The following DDX24 variants were observed in gnomAD, a reference collection of about 807,000 sequenced individuals.
DDX24 encodes the protein DEAD-box helicase 24, also known as ATP-dependent RNA helicase DDX24.
Under a neutral mutation model 68.9 loss-of-function variants are expected in DDX24, and 24 were observed. The ratio of observed to expected loss-of-function variants is 0.35; its 90% CI spans 0.25 to 0.49. DDX24 has a LOEUF of 0.49. DDX24 is among the 20% of genes least tolerant of loss of function. DDX24 has a pLI of 0.99. For missense variants in DDX24, 989 were observed against 1,039.0 expected (o/e 0.95, Z 0.66); for synonymous variants, 395 against 385.2 (o/e 1.03, Z -0.30).
In DDX24 at chr14:94,061,000, C is replaced by A. The variant is rs766908609; in HGVS notation, c.1310G>T (p.Arg437Leu). ...TQKQQRMLNR[R>L]PEIVVATPGR... ...TGGAGTAGCAACCACAATCTCAGGA[C>A]GACGGTTCAGCATCCTCTGCTGTTT... is the stretch of plus-strand genomic sequence containing the variant. The change falls in exon 4 of 9, where the codon CGT (arginine) becomes CTT (leucine). Residue 437 changes from arginine to leucine, a missense_variant. Coordinates refer to ENST00000621632, the MANE Select transcript of DDX24 (RefSeq NM_020414.4). 3.1e-6 allele frequency: 5 copies of A among 1,614,162 alleles called. No homozygotes were observed. Among genetic ancestry groups the A allele is most frequent in the Non-Finnish European group, 4.2e-6 (5 of 1,180,032 alleles).
In DDX24 at chr14:94,079,084, G is replaced by A. The variant is rs1214697184; in HGVS notation, c.659C>T (p.Ala220Val). The A allele has an allele frequency of 1.9e-6, 3 of 1,614,214 alleles. No homozygotes were observed. The highest frequency in any genetic ancestry group is 2.5e-6 in the Non-Finnish European group (3 of 1,180,044). The change falls in exon 2 of 9, where the codon GCC becomes GTC. Residue 220 changes from alanine (A) to valine (V), a missense_variant. Coordinates refer to ENST00000621632, the MANE Select transcript of DDX24 (RefSeq NM_020414.4). ...LGFSAPTPIQ[A>V]LTLAPAIRDK... ...ACGGATGGCAGGTGCCAAGGTCAGG[G>A]CTTGGATTGGTGTGGGTGCAGAGAA...
At chr14:94,075,475 A>G (rs1332267543) in intron 2 of DDX24, among the ~76,000 whole-genome samples, 1 of 152,196 alleles carries the variant, frequency 6.6e-6, no homozygotes, top group Non-Finnish European at 1.5e-5. Flanking sequence ...TTTGATCCAT[A>G]CTTCTCACTC....
At chr14:94,068,526 T>C (rs1275267247) in intron 2 of DDX24, among the ~76,000 whole-genome samples, 2 of 152,170 alleles carry the variant, frequency 1.3e-5, no homozygotes, top group Non-Finnish European at 2.9e-5. Context: ...AACAGATATA[T>C]ACAGAACATT....
chr14:94,060,815 G>A lies in DDX24; in HGVS notation c.1397+98C>T, dbSNP rs1333701313. ...AGGGTCTGGATGATACCACACCATA[G>A]CATTCTGCGATGAGAAGAAGGCATT... On this transcript the variant is annotated intron_variant, in intron 4 of 8. Coordinates refer to ENST00000621632, the MANE Select transcript of DDX24 (RefSeq NM_020414.4). 7 of 1,535,228 alleles carry A rather than the reference G, an allele frequency of 4.6e-6. No homozygotes were observed. In the East Asian group the frequency reaches 1.6e-4, roughly 35 times the overall value.
intron 7 of DDX24, chr14:94,053,354 A>ATTT (rs1885425716): frequency 3.4e-5 from 5 of 145,228 alleles, no homozygotes; most frequent in South Asian, 1.3e-4. Flanking sequence ...TGCCTAGGTA[A>ATTT]TTTCTTTTTT....
intron 2 of DDX24, among the ~76,000 whole-genome samples, chr14:94,074,746 C>T (rs1885901395): frequency 6.6e-6 from 1 of 152,124 alleles, no homozygotes. Flanking sequence ...CAAAAGGCAT[C>T]CAAGACTGGA....
intron 2 of DDX24, among the ~76,000 whole-genome samples, chr14:94,067,865 G>C (rs895880919): frequency 6.6e-6 from 1 of 152,020 alleles, no homozygotes; most frequent in South Asian, 2.1e-4. Context: ...CCCTGGAGAC[G>C]TATTAAAACA....
chr14:94,060,645 C>G (rs1476508251), intron 4 of DDX24, 32 bp from the exon 5 acceptor site: 1 of 1,601,588 alleles, frequency 6.2e-7, no homozygotes, highest in Non-Finnish European at 8.5e-7. Flanking sequence ...TATCATTGGT[C>G]AGCAGCGGGT....
chr14:94,066,664 C>T (rs1010329853), intron 2 of DDX24, among the ~76,000 whole-genome samples: 15 of 152,236 alleles, frequency 9.9e-5, no homozygotes, highest in Admixed American at 3.9e-4. Context: ...TCACAGGACT[C>T]TGTGCAGACA....
chr14:94,057,531 AC>A, intron 6 of DDX24: 1 of 373,402 alleles, frequency 2.7e-6, no homozygotes, highest in Non-Finnish European at 4.8e-6. Context: ...CATCAGGGTA[AC>A]CAATTACATG....
At chr14:94,057,655 A>G in intron 6 of DDX24, 167 bp downstream of exon 6, 1 of 588,214 alleles carries the variant, frequency 1.7e-6, no homozygotes, top group South Asian at 2.3e-5. Context: ...CTGGAGACCA[A>G]ATCTCAGCAG....
At chr14:94,052,624 T>G (rs941026338) in intron 8 of DDX24, among the ~76,000 whole-genome samples, 2 of 152,242 alleles carry the variant, frequency 1.3e-5, no homozygotes, top group Non-Finnish European at 2.9e-5. Context: ...AGTAGGTAGT[T>G]GACTACTTCC....
chr14:94,072,938 AG>A (rs1885862161), intron 2 of DDX24, among the ~76,000 whole-genome samples: 1 of 152,138 alleles, frequency 6.6e-6, no homozygotes, highest in Non-Finnish European at 1.5e-5. Flanking sequence ...AACATAGAAA[AG>A]GAAAAAAAAA....
rs906900660 is a variant in DDX24 at position 94,059,638 on chromosome 14, C to T, written c.1913+460G>A. Among the ~76,000 whole-genome samples, 2 of 152,094 alleles carry T rather than the reference C, an allele frequency of 1.3e-5. 1 individual carries two copies. Among genetic ancestry groups the T allele is most frequent in the South Asian group, 4.1e-4 (2 of 4,822 alleles). Reference sequence around the variant, plus strand: ...CCCTAGAATGGGTTCTATTATTATCCAAATAATGAGAAAATTAAAGTACAG... The same window carrying T: ...CCCTAGAATGGGTTCTATTATTATCTAAATAATGAGAAAATTAAAGTACAG... On this transcript the variant is annotated intron_variant, in intron 5 of 8. Transcript: ENST00000621632.
Position 94,055,194 on chromosome 14 carries a change from G to A in DDX24, c.1990-10C>T. On this transcript the variant is annotated splice_polypyrimidine_tract_variant and intron_variant, in intron 6 of 8. Coordinates refer to ENST00000621632, the MANE Select transcript of DDX24 (RefSeq NM_020414.4). ...CCGAGGTACGTGGGACCTGCCACAGGAAGAACTGGGAGATCAATACATGGC... is the reference window on the plus strand; with the variant it reads ...CCGAGGTACGTGGGACCTGCCACAGAAAGAACTGGGAGATCAATACATGGC... The A allele has an allele frequency of 1.2e-6, 2 of 1,610,054 alleles. No individual in the cohort carries two copies. The highest frequency in any genetic ancestry group is 1.7e-4 in the Middle Eastern group (1 of 5,944).
intron 8 of DDX24, among the ~76,000 whole-genome samples, chr14:94,052,623 T>A (rs908264648): frequency 2.0e-5 from 3 of 152,268 alleles, no homozygotes; most frequent in African/African-American, 7.2e-5. Flanking sequence ...AAGTAGGTAG[T>A]TGACTACTTC....
rs184153603 is a variant in DDX24, at chr14:94,068,903, G to A, written c.719-6282C>T. Reference sequence around the variant, plus strand: ...GTTCATAGCCCTAAATGGCTACATCGAAAAGTCTGAAAGAGCACAAACAGA... The same window carrying A: ...GTTCATAGCCCTAAATGGCTACATCAAAAAGTCTGAAAGAGCACAAACAGA... On this transcript the variant is annotated intron_variant, in intron 2 of 8. Transcript: ENST00000621632. Among the ~76,000 whole-genome samples the A allele has an allele frequency of 2.5e-3, 379 of 152,142 alleles. 1 individual carries two copies. The highest frequency in any genetic ancestry group is 8.6e-3 in the African/African-American group (357 of 41,504).
intron 6 of DDX24, chr14:94,055,521 A>C: frequency 3.5e-6 from 1 of 288,212 alleles, no homozygotes; most frequent in South Asian, 1.0e-4. Flanking sequence ...TACGGTCTCT[A>C]CTCCTATATA....
At chr14:94,057,591 A>G (rs1247235962) in intron 6 of DDX24, 3 of 502,560 alleles carry the variant, frequency 6.0e-6, no homozygotes, top group African/African-American at 6.0e-5. Flanking sequence ...TAACCTGACA[A>G]TATCAAGTAG....
Sources: allele counts gnomAD v4.1 joint callset (sites outside exome capture counted in the v4.1 genomes callset), GRCh38; gene constraint gnomAD v4.1.1; transcripts MANE v1.5; gene names NCBI Gene and HGNC (gene_info 2026-07-23, HGNC 2026-07-21).